The following DSCAM variants were observed in gnomAD, a reference collection of about 807,000 sequenced individuals.
DSCAM encodes the protein DS cell adhesion molecule, also known as cell adhesion molecule DSCAM.
A neutral mutation model predicts 217.7 loss-of-function variants in DSCAM; 47 were observed. The ratio of observed to expected loss-of-function variants is 0.22; its 90% CI spans 0.17 to 0.28. DSCAM has a LOEUF of 0.28. Among genes scored for constraint, DSCAM ranks in the 10% least tolerant of loss-of-function variants. The probability of loss-of-function intolerance (pLI) is 1.00; values close to 1 mark genes in which losing one functional copy is unlikely to be tolerated. For synonymous variants in DSCAM, 1,056 were observed against 1,015.3 expected (o/e 1.04, Z -0.76); for missense variants, 2,080 against 2,618.3 (o/e 0.79, Z 4.49).
At chr21:40,161,368 A>G (rs192073894) in intron 16 of DSCAM, among the ~76,000 whole-genome samples, 16 of 152,320 alleles carry the variant, frequency 1.1e-4, no homozygotes, top group Admixed American at 1.0e-3. Flanking sequence ...TATACACCAA[A>G]AAGATGCAAA....
At chr21:40,705,789 T>A (rs1488330700) in intron 2 of DSCAM, among the ~76,000 whole-genome samples, 2 of 152,198 alleles carry the variant, frequency 1.3e-5, no homozygotes, top group Admixed American at 1.3e-4. Context: ...TTAAACCCTA[T>A]CAGCCTCAGG....
At chr21:40,636,585 C>T (rs995674707) in intron 3 of DSCAM, among the ~76,000 whole-genome samples, 10 of 152,006 alleles carry the variant, frequency 6.6e-5, no homozygotes, top group African/African-American at 2.4e-4. Flanking sequence ...CCAGGGTAGT[C>T]CCTCTAACAT....
chr21:40,642,766 T>C (rs952294397), intron 3 of DSCAM, among the ~76,000 whole-genome samples: 11 of 152,128 alleles, frequency 7.2e-5, no homozygotes, highest in African/African-American at 2.7e-4. Flanking sequence ...ATTTTATTTT[T>C]TTAGTAGAGT....
At chr21:40,421,148 T>C (rs2075419795) in intron 3 of DSCAM, among the ~76,000 whole-genome samples, 1 of 152,204 alleles carries the variant, frequency 6.6e-6, no homozygotes, top group Non-Finnish European at 1.5e-5. Context: ...GAGGAATTGA[T>C]GTGTGTTCAA....
chr21:40,632,881 A>G (rs954321194), intron 3 of DSCAM, among the ~76,000 whole-genome samples: 1 of 152,178 alleles, frequency 6.6e-6, no homozygotes, highest in Non-Finnish European at 1.5e-5. Context: ...TTTGCACACT[A>G]TGACACCACC....
chr21:40,133,954 C>A lies in DSCAM; in HGVS notation c.3462G>T (p.Gly1154=). ...TGCTGTAGTTGGTGTACTTTTCCAG[C>A]CCGTCCAGCTCCAGTGAAGGCTGTG... ...TTTQPSLELD[G]LEKYTNYSIQ... The change falls in exon 19 of 33, where the codon GGG becomes GGT. Residue 1154 remains glycine, a synonymous_variant. Coordinates refer to ENST00000400454, the MANE Select transcript of DSCAM (RefSeq NM_001389.5). 1 of 1,613,562 alleles carries A rather than the reference C, an allele frequency of 6.2e-7. No individual in the cohort carries two copies. The highest frequency in any genetic ancestry group is 2.2e-5 in the East Asian group (1 of 44,792).
At chr21:40,654,698 G>C (rs958922326) in intron 3 of DSCAM, among the ~76,000 whole-genome samples, 1 of 152,258 alleles carries the variant, frequency 6.6e-6, no homozygotes, top group East Asian at 1.9e-4. Context: ...GCCTGGCGGA[G>C]TTTTCCTCAC....
chr21:40,808,907 C>A (rs756347868), intron 1 of DSCAM, among the ~76,000 whole-genome samples: 14 of 152,314 alleles, frequency 9.2e-5, no homozygotes, highest in African/African-American at 2.9e-4. Flanking sequence ...GGTGACATAA[C>A]CCTCCTGGAC....
chr21:40,518,528 T>TTA (rs1555850077), intron 3 of DSCAM, among the ~76,000 whole-genome samples: 3 of 39,100 alleles, frequency 7.7e-5, no homozygotes, highest in East Asian at 1.1e-3. Context: ...AATATATATT[T>TTA]TATATATATA....
rs73902616 is a variant in DSCAM at position 40,422,758 on chromosome 21, T to A, written c.509-53513A>T. Among the ~76,000 whole-genome samples the A allele has an allele frequency of 7.5e-3, 1,135 of 152,338 alleles. 16 individuals carry two copies. Among genetic ancestry groups the A allele is most frequent in the African/African-American group, 0.025 (1,052 of 41,576 alleles). ...ACCACATTTTTAAACTTCCTCCATATGAGGCAGCCACAAAACCAAAATCTC... is the reference window on the plus strand; with the variant it reads ...ACCACATTTTTAAACTTCCTCCATAAGAGGCAGCCACAAAACCAAAATCTC... On this transcript the variant is annotated intron_variant, in intron 3 of 32. Coordinates refer to ENST00000400454, the MANE Select transcript of DSCAM (RefSeq NM_001389.5).
At chr21:40,026,344 T>C (rs1176278710) in intron 32 of DSCAM, among the ~76,000 whole-genome samples, 1 of 143,176 alleles carries the variant, frequency 7.0e-6, no homozygotes, top group Non-Finnish European at 1.5e-5. Flanking sequence ...AAAATGTGTA[T>C]TCTGTTGATT....
intron 3 of DSCAM, among the ~76,000 whole-genome samples, chr21:40,691,351 C>G (rs887877593): frequency 6.6e-6 from 1 of 152,206 alleles, no homozygotes; most frequent in African/African-American, 2.4e-5. Flanking sequence ...GGTGAAGTCT[C>G]TATCCTAGGT....
chr21:40,116,903 G>A (rs1331696068), intron 20 of DSCAM, among the ~76,000 whole-genome samples: 1 of 148,346 alleles, frequency 6.7e-6, no homozygotes, highest in Non-Finnish European at 1.5e-5. Context: ...TTGGGAGGCC[G>A]AGGCAGGAGA....
At chr21:40,672,115 T>C (rs2090283797) in intron 3 of DSCAM, among the ~76,000 whole-genome samples, 1 of 152,176 alleles carries the variant, frequency 6.6e-6, no homozygotes, top group Non-Finnish European at 1.5e-5. Flanking sequence ...ACACCAGTCC[T>C]ATTGGGTTAG....
At chr21:40,306,087 T>G (rs1221479701) in intron 9 of DSCAM, among the ~76,000 whole-genome samples, 3 of 151,948 alleles carry the variant, frequency 2.0e-5, no homozygotes, top group Non-Finnish European at 2.9e-5. Flanking sequence ...TGGAATGTTC[T>G]TCCATTTGTT....
intron 3 of DSCAM, among the ~76,000 whole-genome samples, chr21:40,429,062 A>G (rs1339678403): frequency 1.3e-5 from 2 of 152,146 alleles, no homozygotes; most frequent in African/African-American, 2.4e-5. Flanking sequence ...AACTGGCAAC[A>G]AGACATAATC....
At chr21:40,432,335 C>T (rs13433479) in intron 3 of DSCAM, among the ~76,000 whole-genome samples, 3,624 of 152,268 alleles carry the variant, frequency 0.024, 69 homozygotes, top group Non-Finnish European at 0.036. Context: ...CTTGCCTCTT[C>T]CACCTTCCAG....
intron 1 of DSCAM, among the ~76,000 whole-genome samples, chr21:40,730,734 G>A (rs773803311): frequency 7.2e-5 from 11 of 152,070 alleles, no homozygotes; most frequent in Non-Finnish European, 1.2e-4. Flanking sequence ...GCAAGACCCC[G>A]GACTCACAAT....
At chr21:40,639,414 C>T (rs9985075) in intron 3 of DSCAM, among the ~76,000 whole-genome samples, 76,102 of 151,920 alleles carry the variant, frequency 0.5, 19,143 homozygotes, top group Admixed American at 0.58. Context: ...ATGAGCAGTA[C>T]TGATAACACC....
Sources: gnomAD v4.1 joint callset for allele counts (sites outside exome capture counted in the v4.1 genomes callset) on GRCh38, gnomAD v4.1.1 for gene constraint, MANE v1.5 for transcripts, NCBI Gene and HGNC (gene_info 2026-07-23, HGNC 2026-07-21) for gene names.